DPH5: variants seen among roughly 807,000 people sequenced by gnomAD.
DPH5 encodes the protein diphthamide biosynthesis 5.
In DPH5, 31 loss-of-function variants were observed where a neutral mutation model predicts 31.6. The ratio of observed to expected loss-of-function variants is 0.98; its 90% CI spans 0.74 to 1.32. DPH5 has a LOEUF of 1.32. DPH5 is among the 40% of genes most tolerant of loss of function. The pLI is 0.00. For missense variants in DPH5, 309 were observed against 335.7 expected (o/e 0.92, Z 0.62); for synonymous variants, 120 against 115.0 (o/e 1.04, Z -0.28).
intron 3 of DPH5, among the ~76,000 whole-genome samples, chr1:101,018,220 T>C (rs763171659): frequency 7.2e-5 from 11 of 151,774 alleles, no homozygotes; most frequent in Admixed American, 5.9e-4. Context: ...GGTGACCAAT[T>C]TGAATATACA....
At chr1:100,994,421 C>T (rs1257854979) in intron 6 of DPH5, among the ~76,000 whole-genome samples, 1 of 152,050 alleles carries the variant, frequency 6.6e-6, no homozygotes, top group Non-Finnish European at 1.5e-5. Flanking sequence ...GACACTGCCT[C>T]TCTAAGTAAA....
chr1:101,004,821 T>TG (rs1258763747), intron 4 of DPH5, among the ~76,000 whole-genome samples: 1 of 152,156 alleles, frequency 6.6e-6, no homozygotes, highest in African/African-American at 2.4e-5. Context: ...AAGCCGAACA[T>TG]GGGGAAAGAA....
chr1:101,025,246 T>C, intron 2 of DPH5, 63 bp downstream of exon 2: 4 of 1,595,576 alleles, frequency 2.5e-6, no homozygotes, highest in Middle Eastern at 3.4e-4. Context: ...TTCAGCTTAG[T>C]GTATGAAAAT....
rs1471609516 is a variant in DPH5, at chr1:101,013,789, C to CT, written c.289dup (p.Arg97LysfsTer10). On this transcript the variant is annotated frameshift_variant, in exon 4 of 8. Coordinates refer to ENST00000370109, the MANE Select transcript of DPH5 (RefSeq NM_015958.3). LOFTEE classifies it high-confidence loss of function. ...ATAAGGAATTCCCAGCTTTGTTGCT[C>CT]TTAGAACAAGATCACTGTGTGTTGT... 1 of 1,612,936 alleles carries CT rather than the reference C, an allele frequency of 6.2e-7. No individual in the cohort carries two copies. The highest frequency in any genetic ancestry group is 1.7e-5 in the Admixed American group (1 of 59,862).
At chr1:100,998,909 C>A (rs763745348) in intron 5 of DPH5, among the ~76,000 whole-genome samples, 2 of 152,146 alleles carry the variant, frequency 1.3e-5, no homozygotes, top group Non-Finnish European at 2.9e-5. Flanking sequence ...GGGCAGGCAG[C>A]AAATATTTTA....
intron 4 of DPH5, among the ~76,000 whole-genome samples, chr1:101,004,589 A>T (rs1006330529): frequency 4.6e-5 from 7 of 152,226 alleles, no homozygotes; most frequent in Non-Finnish European, 1.0e-4. Flanking sequence ...CAAAACCCAA[A>T]AAAACTCAAA....
At chr1:101,009,397 T>A (rs1659470936) in intron 4 of DPH5, among the ~76,000 whole-genome samples, 1 of 152,206 alleles carries the variant, frequency 6.6e-6, no homozygotes, top group African/African-American at 2.4e-5. Context: ...CAAACCATAA[T>A]AACTGTGGTA....
chr1:101,018,402 T>A (rs1660229799), intron 3 of DPH5, among the ~76,000 whole-genome samples: 1 of 152,092 alleles, frequency 6.6e-6, no homozygotes, highest in African/African-American at 2.4e-5. Flanking sequence ...CACGTCTGGC[T>A]ACTTTTTTGT....
In DPH5 at chr1:100,992,637, C is replaced by T. The variant is rs1421928279; in HGVS notation, c.634G>A (p.Ala212Thr). The T allele has an allele frequency of 6.2e-7, 1 of 1,612,764 alleles. No homozygotes were observed. Among genetic ancestry groups the T allele is most frequent in the South Asian group, 1.1e-5 (1 of 91,016 alleles). ...QNQRIRGEEP[A>T]VTEETLCVGL... ...AGAGCCCTTCTAGTGTCTTGAGTAC[C>T]TGGTTCTTCTCCTCGTATTCTTTGA... The change falls in exon 7 of 8, where the codon GCA becomes ACA. Residue 212 changes from alanine to threonine, a missense_variant and splice_region_variant. Coordinates refer to ENST00000370109, the MANE Select transcript of DPH5 (RefSeq NM_015958.3).
chr1:101,021,204 G>A (rs140314570), intron 3 of DPH5, among the ~76,000 whole-genome samples: 290 of 152,198 alleles, frequency 1.9e-3, no homozygotes, highest in African/African-American at 6.8e-3. Context: ...GCAAAGTGAC[G>A]GCAGTATTGC....
At chr1:100,998,849 G>A (rs987118421) in intron 5 of DPH5, among the ~76,000 whole-genome samples, 9 of 152,298 alleles carry the variant, frequency 5.9e-5, no homozygotes, top group African/African-American at 2.2e-4. Context: ...CAGCACATGA[G>A]ATTAAATAAA....
intron 4 of DPH5, among the ~76,000 whole-genome samples, chr1:101,006,032 C>T (rs1659206848): frequency 6.6e-6 from 1 of 152,172 alleles, no homozygotes; most frequent in South Asian, 2.1e-4. Flanking sequence ...CTCTTTGCTG[C>T]TGTCATGTGA....
chr1:101,015,718 T>C (rs558134907), intron 3 of DPH5, among the ~76,000 whole-genome samples: 1 of 152,336 alleles, frequency 6.6e-6, no homozygotes, highest in Non-Finnish European at 1.5e-5. Flanking sequence ...ACACTGAAAA[T>C]CTACTGTGTA....
chr1:100,993,573 T>C (rs1012288932), intron 6 of DPH5, among the ~76,000 whole-genome samples: 4 of 84,298 alleles, frequency 4.7e-5, no homozygotes, highest in African/African-American at 1.7e-4. Flanking sequence ...TATATATATA[T>C]ATATATATAT....
chr1:101,020,528 T>C (rs1660372332), intron 3 of DPH5, among the ~76,000 whole-genome samples: 1 of 151,730 alleles, frequency 6.6e-6, no homozygotes, highest in South Asian at 2.1e-4. Context: ...ATTCTATCCA[T>C]TCCTCCAGCT....
At chr1:101,008,352 T>C (rs1659385035) in intron 4 of DPH5, among the ~76,000 whole-genome samples, 1 of 152,224 alleles carries the variant, frequency 6.6e-6, no homozygotes, top group Non-Finnish European at 1.5e-5. Flanking sequence ...TCATACATCA[T>C]GGTGTGGTTT....
At chr1:101,007,244 T>G (rs1659297798) in intron 4 of DPH5, among the ~76,000 whole-genome samples, 1 of 152,204 alleles carries the variant, frequency 6.6e-6, no homozygotes, top group South Asian at 2.1e-4. Flanking sequence ...CTATGGATGC[T>G]TTTTTATTTT....
chr1:101,014,649 G>A (rs1394136823), intron 3 of DPH5, among the ~76,000 whole-genome samples: 1 of 152,132 alleles, frequency 6.6e-6, no homozygotes, highest in East Asian at 1.9e-4. Context: ...GAAATTTGCT[G>A]CATTGATTGA....
rs374036383 is a variant in DPH5 at position 101,001,520 on chromosome 1, A to G, written c.437T>C (p.Phe146Ser). 1 of 1,613,428 alleles carries G rather than the reference A, an allele frequency of 6.2e-7. No homozygotes were observed. Among genetic ancestry groups the G allele is most frequent in the African/African-American group, 1.3e-5 (1 of 74,922 alleles). Residue 146 changes from phenylalanine (F) to serine (S), a missense_variant, in exon 5 of 8, where the codon TTT (phenylalanine) becomes TCT (serine). By Grantham distance (155) the Phe-to-Ser change is radical. Transcript: ENST00000370109. Reference sequence around the variant, plus strand: ...TTGTCTGTTCTTCTTCACTTTGTCAAAGAAGCTTTCTGGTCTCCAAGTGTC... The same window carrying G: ...TTGTCTGTTCTTCTTCACTTTGTCAGAGAAGCTTTCTGGTCTCCAAGTGTC... Reference protein sequence around the residue: ...WTDTWRPESFFDKVKKNRQNG... With the variant: ...WTDTWRPESFSDKVKKNRQNG...
Sources: allele counts gnomAD v4.1 joint callset (sites outside exome capture counted in the v4.1 genomes callset), GRCh38; gene constraint gnomAD v4.1.1; transcripts MANE v1.5; gene names NCBI Gene and HGNC (gene_info 2026-07-23, HGNC 2026-07-21).